Variants in ZFHX4 observed in about 807,000 individuals in gnomAD.
The protein encoded by ZFHX4 is zinc finger homeobox 4.
A neutral mutation model predicts 267.6 loss-of-function variants in ZFHX4; 56 were observed. That is an observed-to-expected ratio of 0.21 (90% confidence interval 0.17 to 0.26). The LOEUF (loss-of-function observed/expected upper bound fraction) is 0.26, where lower values mean the gene tolerates loss of function less well. ZFHX4 is among the 10% of genes least tolerant of loss of function. ZFHX4 has a pLI of 1.00. For synonymous variants in ZFHX4, 1,778 were observed against 1,665.6 expected (o/e 1.07, Z -1.64); for missense variants, 4,332 against 4,420.0 (o/e 0.98, Z 0.56).
chr8:76,761,070 A>C (rs987949878), intron 3 of ZFHX4, among the ~76,000 whole-genome samples: 13 of 152,200 alleles, frequency 8.5e-5, no homozygotes, highest in African/African-American at 2.7e-4. Flanking sequence ...ACAAGGGAAA[A>C]GTGTCCTGTA....
chr8:76,773,208 A>G (rs1414173087), intron 3 of ZFHX4, among the ~76,000 whole-genome samples: 1 of 152,162 alleles, frequency 6.6e-6, no homozygotes, highest in African/African-American at 2.4e-5. Context: ...TTATTCATTC[A>G]GATGATCTAG....
At chr8:76,780,037 C>T (rs1810507516) in intron 4 of ZFHX4, among the ~76,000 whole-genome samples, 1 of 147,306 alleles carries the variant, frequency 6.8e-6, no homozygotes, top group Non-Finnish European at 1.5e-5. Flanking sequence ...TGATTATCCA[C>T]CAAGGATAAA....
chr8:76,835,340 CCTA>C (rs2131897597), intron 5 of ZFHX4, among the ~76,000 whole-genome samples: 1 of 149,794 alleles, frequency 6.7e-6, no homozygotes, highest in African/African-American at 2.4e-5. Context: ...GAAATTCACT[CCTA>C]CTACTACAAC....
chr8:76,805,221 T>C (rs1451873317), intron 4 of ZFHX4, among the ~76,000 whole-genome samples: 1 of 152,094 alleles, frequency 6.6e-6, no homozygotes, highest in Non-Finnish European at 1.5e-5. Flanking sequence ...TTCCATTTTG[T>C]ACAGTTAATC....
At chr8:76,860,417 C>T (rs966641094) in intron 10 of ZFHX4, among the ~76,000 whole-genome samples, 18 of 151,890 alleles carry the variant, frequency 1.2e-4, no homozygotes, top group African/African-American at 4.1e-4. Context: ...ACATGTAGAC[C>T]CTTCATGATG....
Position 76,826,249 on chromosome 8 carries a change from C to T in ZFHX4, c.3326-7089C>T, listed in dbSNP as rs550501964. ...ATGAACTGAGTGAGAACTCACTTGT[C>T]ACCAAGGGAATGGTGCTAAGCCATT... On this transcript the variant is annotated intron_variant, in intron 4 of 10. Coordinates refer to ENST00000651372, the MANE Select transcript of ZFHX4 (RefSeq NM_024721.5). Among the ~76,000 whole-genome samples the T allele has an allele frequency of 2.0e-5, 3 of 152,256 alleles. No homozygotes were observed. The East Asian group carries it at 5.8e-4, about 29-fold the overall frequency.
chr8:76,825,412 T>G (rs1304395257), intron 4 of ZFHX4, among the ~76,000 whole-genome samples: 1 of 152,244 alleles, frequency 6.6e-6, no homozygotes, highest in Admixed American at 6.5e-5. Context: ...TGGATTTGGT[T>G]CTTAACTCCA....
intron 3 of ZFHX4, among the ~76,000 whole-genome samples, chr8:76,764,494 A>G (rs940910846): frequency 6.6e-6 from 1 of 152,200 alleles, no homozygotes; most frequent in African/African-American, 2.4e-5. Flanking sequence ...TACCAAGGAA[A>G]GCCATGAAAT....
intron 3 of ZFHX4, among the ~76,000 whole-genome samples, chr8:76,723,034 A>G (rs889158265): frequency 3.3e-5 from 5 of 152,038 alleles, no homozygotes; most frequent in Non-Finnish European, 7.4e-5. Context: ...GAAAATAACT[A>G]TTTGTGTATT....
chr8:76,819,976 G>T (rs1475543564), intron 4 of ZFHX4, among the ~76,000 whole-genome samples: 2 of 152,162 alleles, frequency 1.3e-5, no homozygotes, highest in Non-Finnish European at 2.9e-5. Context: ...TCAGAGTAAA[G>T]AGATGTATAT....
intron 5 of ZFHX4, among the ~76,000 whole-genome samples, chr8:76,838,531 A>G (rs1812150173): frequency 6.6e-6 from 1 of 152,168 alleles, no homozygotes; most frequent in African/African-American, 2.4e-5. Context: ...TTAGGAGGAT[A>G]GATTTGAGTG....
rs746206492 is a variant in ZFHX4, at chr8:76,706,347, C to T, written c.2259C>T (p.Cys753=). The T allele has an allele frequency of 1.4e-5, 22 of 1,613,816 alleles. No individual in the cohort carries two copies. The highest frequency in any genetic ancestry group is 2.2e-5 in the East Asian group (1 of 44,874). The change falls in exon 2 of 11, where the codon TGC becomes TGT. Residue 753 remains cysteine (C), a synonymous_variant. Transcript: ENST00000651372. The stretch of plus-strand genomic sequence containing the variant: ...CCCCCAACACCAGCCTCAGTGGCTG[C>T]GGAACACCCTCTCCGTCCAAACCCA... ...APAPNTSLSG[C]GTPSPSKPKQ... is the part of the protein sequence containing the mutation.
At chr8:76,767,174 G>C (rs1368569110) in intron 3 of ZFHX4, among the ~76,000 whole-genome samples, 3 of 152,044 alleles carry the variant, frequency 2.0e-5, no homozygotes, top group African/African-American at 7.2e-5. Context: ...TACTAAATAA[G>C]TGGCAGAAAT....
chr8:76,705,584 A>G lies in ZFHX4; in HGVS notation c.1496A>G (p.Asp499Gly). Residue 499 changes from aspartate (D) to glycine (G), a missense_variant, in exon 2 of 11, where the codon GAT becomes GGT. Asp to Gly is a moderately conservative substitution (Grantham distance 94). This residue lies in a region of ZFHX4 where 1,195 missense variants were observed against 1,173.6 expected (regional missense o/e 1.02). Coordinates refer to ENST00000651372, the MANE Select transcript of ZFHX4 (RefSeq NM_024721.5). ...CTCACCGATAGTATTGGTAACAAAG[A>G]TTTCCCTCTCTTAAACCAAAGCATT... ...GELTDSIGNK[D>G]FPLLNQSISP... 1 of 1,613,770 alleles carries G rather than the reference A, an allele frequency of 6.2e-7. No homozygotes were observed. The highest frequency in any genetic ancestry group is 8.5e-7 in the Non-Finnish European group (1 of 1,179,786).
intron 1 of ZFHX4, 82 bp from the exon 2 acceptor site, chr8:76,703,961 A>G (rs554087849): frequency 2.1e-6 from 2 of 962,572 alleles, no homozygotes; most frequent in South Asian, 1.8e-5. Context: ...CGTTTACAGC[A>G]GCTGTAAATT....
At chr8:76,693,648 G>T (rs2131587218) in intron 1 of ZFHX4, 1 of 152,290 alleles carries the variant, frequency 6.6e-6, no homozygotes, top group Middle Eastern at 3.4e-3. Context: ...TGTGAGCAAA[G>T]AAAGGTTTTA....
rs978307509 is a variant in ZFHX4 at position 76,855,104 on chromosome 8, T to C, written c.8183T>C (p.Ile2728Thr). Residue 2728 changes from isoleucine to threonine, a missense_variant, in exon 10 of 11, where the codon ATC (isoleucine) becomes ACC (threonine). Coordinates refer to ENST00000651372, the MANE Select transcript of ZFHX4 (RefSeq NM_024721.5). ...GGGGGAGAAAGCCCACAGAAATACA[T>C]CTATTTTGATTACCCATCTTTGCCA... ...EDGGESPQKY[I>T]YFDYPSLPLT... 12 of 1,613,760 alleles carry C rather than the reference T, an allele frequency of 7.4e-6. No homozygotes were observed. The highest frequency in any genetic ancestry group is 1.0e-5 in the Non-Finnish European group (12 of 1,179,794).
At position 76,786,955 on chromosome 8, in the gene ZFHX4, A is replaced by C. The variant is rs189245712; in HGVS notation, c.3325+8516A>C. 1.3e-3 allele frequency among the ~76,000 whole-genome samples: 201 copies of C among 152,342 alleles called. 1 individual carries two copies. The highest frequency in any genetic ancestry group is 4.0e-3 in the African/African-American group (167 of 41,590). The stretch of plus-strand genomic sequence containing the variant: ...TGCTGTCATTTTCTAGGAAGATCAA[A>C]TGACCAACATATTTATTTTGCCATA... On this transcript the variant is annotated intron_variant, in intron 4 of 10. Coordinates refer to ENST00000651372, the MANE Select transcript of ZFHX4 (RefSeq NM_024721.5).
At chr8:76,752,545 C>A (rs1585909730) in intron 3 of ZFHX4, among the ~76,000 whole-genome samples, 1 of 150,894 alleles carries the variant, frequency 6.6e-6, no homozygotes, top group Middle Eastern at 3.5e-3. Flanking sequence ...GTGGCACATG[C>A]CTGTAATCTC....
Sources: allele counts gnomAD v4.1 joint callset (sites outside exome capture counted in the v4.1 genomes callset), GRCh38; gene constraint gnomAD v4.1.1; regional missense constraint gnomAD v4.1.1; transcripts MANE v1.5; gene names NCBI Gene and HGNC (gene_info 2026-07-23, HGNC 2026-07-21).